Variants in KLHL17 observed in about 807,000 individuals in gnomAD.
KLHL17 encodes kelch like family member 17, also known as kelch-like protein 17.
In KLHL17, 71 loss-of-function variants were observed where a neutral mutation model predicts 64.6. That is an observed-to-expected ratio of 1.10 (90% CI 0.91 to 1.34). The LOEUF (loss-of-function observed/expected upper bound fraction) is 1.34, where lower values mean the gene tolerates loss of function less well. Among genes scored for constraint, KLHL17 ranks in the 40% most tolerant of loss-of-function variants. The pLI, the probability that KLHL17 is intolerant of heterozygous loss-of-function variation, is 0.00. For synonymous variants in KLHL17, 612 were observed against 405.4 expected, an observed-to-expected ratio of 1.51 and a Z score of -6.12; for missense variants, 1,140 against 935.0, an observed-to-expected ratio of 1.22 and a Z score of -2.86.
Position 961,320 on chromosome 1 carries a change from G to A in KLHL17, c.135G>A (p.Arg45=), listed in dbSNP as rs1289304735. 2 of 1,534,242 alleles carry A rather than the reference G, an allele frequency of 1.3e-6. No individual in the cohort carries two copies. Among genetic ancestry groups the A allele is most frequent in the African/African-American group, 1.4e-5 (1 of 72,458 alleles). The change falls in exon 2 of 12, where the codon CGG becomes CGA. Residue 45 remains arginine (R), a synonymous_variant. Transcript: ENST00000338591. ...CCGAGGCAGAGCGCACGCGGCCCCGGCAGGCTCGGCCCGCAGCCCCCATGG... is the reference window on the plus strand; with the variant it reads ...CCGAGGCAGAGCGCACGCGGCCCCGACAGGCTCGGCCCGCAGCCCCCATGG... The part of the protein sequence containing the change: ...PAPEAERTRP[R]QARPAAPMEG...
At chr1:964,266 G>A in intron 10 of KLHL17, 83 bp from the exon 11 acceptor site, 1 of 1,595,270 alleles carries the variant, frequency 6.3e-7, no homozygotes, top group African/African-American at 1.3e-5. Context: ...CCCCATTCCT[G>A]ACACCCCACC....
chr1:962,332 G>A lies in KLHL17; in HGVS notation c.712-23G>A, dbSNP rs754243035. The stretch of plus-strand genomic sequence containing the variant: ...TCCACAGGACCCTCCCCAGATCTCA[G>A]GTCTGAGGACCCCCACTCCCAGGTT... On this transcript the variant is annotated intron_variant, in intron 4 of 11. Transcript: ENST00000338591. 5.6e-6 allele frequency: 9 copies of A among 1,612,088 alleles called. No individual in the cohort carries two copies. In the East Asian group the frequency reaches 1.1e-4, roughly 20 times the overall value.
chr1:962,851 G>A lies in KLHL17; in HGVS notation c.976G>A (p.Val326Ile), dbSNP rs373273289. The change falls in exon 6 of 12, where the codon GTC becomes ATC. Residue 326 changes from valine (V) to isoleucine (I), a missense_variant. Val to Ile is a conservative substitution (Grantham distance 29). Transcript: ENST00000338591. The part of the protein sequence containing the change: ...KFHLLPEQRG[V>I]LGTSRTRPRR... Reference sequence around the variant, plus strand: ...CCACCTGCTGCCTGAGCAGAGGGGCGTCCTAGGCACCAGCCGCACACGTCC... The same window carrying A: ...CCACCTGCTGCCTGAGCAGAGGGGCATCCTAGGCACCAGCCGCACACGTCC... The A allele has an allele frequency of 3.3e-5, 52 of 1,595,938 alleles. No individual in the cohort carries two copies. The highest frequency in any genetic ancestry group is 3.0e-4 in the South Asian group (27 of 89,880).
At chr1:963,660 TG>T in intron 8 of KLHL17, 156 bp downstream of exon 8, 1 of 956,372 alleles carries the variant, frequency 1.0e-6, no homozygotes, top group Non-Finnish European at 1.5e-6. Flanking sequence ...CCTGAACTCT[TG>T]GCTTTGCTGC....
rs777164476 is a variant in KLHL17 at position 961,654 on chromosome 1, C to T, written c.393C>T (p.Thr131=). The T allele has an allele frequency of 5.0e-6, 8 of 1,612,594 alleles. No homozygotes were observed. Among genetic ancestry groups the T allele is most frequent in the Admixed American group, 1.7e-5 (1 of 59,976 alleles). ...FTNEMSESRQ[T]HVTLHDIDPQ... ...ATGAGATGAGCGAGAGCCGCCAGAC[C>T]CACGTGACGCTGCACGACATCGACC... The change falls in exon 3 of 12, where the codon ACC becomes ACT. Residue 131 remains threonine, a synonymous_variant. Transcript: ENST00000338591.
At position 962,442 on chromosome 1, in the gene KLHL17, G is replaced by C; in HGVS notation, c.799G>C (p.Val267Leu). The change falls in exon 5 of 12, where the codon GTG becomes CTG. Residue 267 changes from valine (V) to leucine (L), a missense_variant. By Grantham distance (32) the Val-to-Leu change is conservative. Coordinates refer to ENST00000338591, the MANE Select transcript of KLHL17 (RefSeq NM_198317.3). ...RAVLSWVKHD[V>L]DARRQHVPRL... ...CGTCCTGAGCTGGGTGAAACACGAC[G>C]TGGACGCCCGCAGGCAGCATGTCCC... 1 of 1,612,704 alleles carries C rather than the reference G, an allele frequency of 6.2e-7. No homozygotes were observed. The highest frequency in any genetic ancestry group is 8.5e-7 in the Non-Finnish European group (1 of 1,179,920).
chr1:965,319 ATTTATTTAGTTATTTATCTTAT>A lies in KLHL17; in HGVS notation c.*131_*152del. On this transcript the variant is annotated 3_prime_UTR_variant, in exon 12 of 12. Transcript: ENST00000338591. ...CCTTCATGTCTTTATTTAGTTGTTT[ATTTATTTAGTTATTTATCTTAT>A]TTATTGAGGGGTGAGGAGTGCCACG... is the stretch of plus-strand genomic sequence containing the variant. 1.3e-6 allele frequency: 1 copy of A among 756,474 alleles called. No individual in the cohort carries two copies. Among genetic ancestry groups the A allele is most frequent in the Non-Finnish European group, 2.1e-6 (1 of 481,660 alleles). 46.9% of individuals were successfully genotyped at this position (756,474 alleles called of 1,614,324 possible).
At position 960,802 on chromosome 1, in the gene KLHL17, T is replaced by C; in HGVS notation, c.107+2T>C. 1 of 1,036,420 alleles carries C rather than the reference T, an allele frequency of 9.6e-7. No individual in the cohort carries two copies. The allele number at this position is 1,036,420 out of a possible 1,614,324, so 64.2% of individuals were successfully genotyped here. On this transcript the variant is annotated splice_donor_variant, in intron 1 of 11. Coordinates refer to ENST00000338591, the MANE Select transcript of KLHL17 (RefSeq NM_198317.3). LOFTEE classifies it high-confidence loss of function. ...GCCTCCACCGCCGCAGCCGCCGGCG[T>C]GAGTGGGCGGGGGTCGGGGCGCGGG...
intron 8 of KLHL17, 33 bp downstream of exon 8, chr1:963,537 C>T (rs768622403): frequency 2.5e-5 from 40 of 1,576,342 alleles, no homozygotes; most frequent in South Asian, 2.5e-4. Context: ...TGGCTTTGTA[C>T]AGTCCATCTG....
rs758957250 is a variant in KLHL17, at chr1:965,217, C to T, written c.*26C>T. Reference sequence around the variant, plus strand: ...CCCACCTACCACCAGAGGCCTGCAGCCTCCCACATGCCTTAAGGGGACCGT... The same window carrying T: ...CCCACCTACCACCAGAGGCCTGCAGTCTCCCACATGCCTTAAGGGGACCGT... On this transcript the variant is annotated 3_prime_UTR_variant, in exon 12 of 12. Coordinates refer to ENST00000338591, the MANE Select transcript of KLHL17 (RefSeq NM_198317.3). The T allele has an allele frequency of 8.7e-6, 14 of 1,600,966 alleles. No homozygotes were observed. The highest frequency in any genetic ancestry group is 3.3e-4 in the Middle Eastern group (2 of 6,042).
At chr1:961,228 C>A in intron 1 of KLHL17, 65 bp from the exon 2 acceptor site, 1 of 1,199,406 alleles carries the variant, frequency 8.3e-7, no homozygotes, top group Non-Finnish European at 1.0e-6. Flanking sequence ...CCCGGGCCCC[C>A]CAGCGGCTCC....
At chr1:963,764 C>T in intron 8 of KLHL17, 156 bp from the exon 9 acceptor site, 3 of 940,634 alleles carry the variant, frequency 3.2e-6, no homozygotes, top group Admixed American at 2.0e-5. Flanking sequence ...CAGCCAGGGT[C>T]CTGTGCCCAC....
At chr1:961,796 C>T (rs1557629778) in intron 3 of KLHL17, 30 bp from the exon 4 acceptor site, 12 of 1,611,152 alleles carry the variant, frequency 7.4e-6, no homozygotes, top group Non-Finnish European at 1.0e-5. Flanking sequence ...GACCCTGTGC[C>T]TCCCTCACCT....
Position 961,988 on chromosome 1 carries a change from C to G in KLHL17, c.652C>G (p.Leu218Val). ...DLLKAAHRYV[L>V]QHFVDVAKTE... Reference sequence around the variant, plus strand: ...GCTCAAGGCCGCCCACAGGTACGTGCTGCAGCACTTCGTGGACGTGGCCAA... The same window carrying G: ...GCTCAAGGCCGCCCACAGGTACGTGGTGCAGCACTTCGTGGACGTGGCCAA... Residue 218 changes from leucine to valine, a missense_variant, in exon 4 of 12, where the codon CTG becomes GTG. Leu to Val is a conservative substitution (Grantham distance 32). Coordinates refer to ENST00000338591, the MANE Select transcript of KLHL17 (RefSeq NM_198317.3). 6.2e-7 allele frequency: 1 copy of G among 1,612,952 alleles called. No homozygotes were observed. The highest frequency in any genetic ancestry group is 8.5e-7 in the Non-Finnish European group (1 of 1,180,026).
In KLHL17 at chr1:964,210, C is replaced by T. The variant is rs778130378; in HGVS notation, c.1518+30C>T. On this transcript the variant is annotated intron_variant, in intron 10 of 11. Transcript: ENST00000338591. ...ATAGTGCACCCCTCCTGGCCACCCCCTCCCGTGCGCCGCGGGGCCCTCCTC... is the reference window on the plus strand; with the variant it reads ...ATAGTGCACCCCTCCTGGCCACCCCTTCCCGTGCGCCGCGGGGCCCTCCTC... 2.0e-5 allele frequency: 32 copies of T among 1,610,862 alleles called. No homozygotes were observed. In the Admixed American group the frequency reaches 2.5e-4, roughly 13 times the overall value.
chr1:962,088 C>CCCCCCCCCCCCTTTTTTTTTTTTT, intron 4 of KLHL17, 41 bp downstream of exon 4: 2 of 1,529,414 alleles, frequency 1.3e-6, no homozygotes, highest in Non-Finnish European at 1.8e-6. Flanking sequence ...CCACCCCACC[C>CCCCCCCCCCCCTTTTTTTTTTTTT]CACCCCAGTC....
chr1:961,011 T>C (rs911590905), intron 1 of KLHL17: 5 of 244,890 alleles, frequency 2.0e-5, no homozygotes, highest in Admixed American at 6.6e-5. Flanking sequence ...AGAGGGCGGC[T>C]AGGGACGCGG....
Position 961,357 on chromosome 1 carries a change from C to T in KLHL17, c.172C>T (p.Gln58Ter), listed in dbSNP as rs1304683811. The T allele has an allele frequency of 1.9e-6, 3 of 1,586,108 alleles. No individual in the cohort carries two copies. The highest frequency in any genetic ancestry group is 1.1e-5 in the South Asian group (1 of 88,604). The change falls in exon 2 of 12, where the codon CAG becomes TAG. Residue 58 changes from glutamine (Q) to a stop codon, truncating the protein, a stop_gained. Transcript: ENST00000338591. LOFTEE classifies it high-confidence loss of function. ...CGCAGCCCCCATGGAGGGAGCCGTG[C>T]AGCTGCTGAGCCGCGAGGGCCACAG... The part of the protein sequence containing the change: ...RPAAPMEGAV[Q>*]LLSREGHSVA...
rs1443909264 is a variant in KLHL17, at chr1:961,563, G to A, written c.367+11G>A. The stretch of plus-strand genomic sequence containing the variant: ...ACGCCATGTTCACAAGCAAGTACCC[G>A]CCTGGGCGGCGCTGGGGGCTCCGTG... On this transcript the variant is annotated intron_variant, in intron 2 of 11. Coordinates refer to ENST00000338591, the MANE Select transcript of KLHL17 (RefSeq NM_198317.3). 8.7e-6 allele frequency: 14 copies of A among 1,612,688 alleles called. No individual in the cohort carries two copies. Among genetic ancestry groups the A allele is most frequent in the African/African-American group, 1.3e-5 (1 of 75,068 alleles).
Sources: allele counts gnomAD v4.1 joint callset, GRCh38; gene constraint gnomAD v4.1.1; transcripts MANE v1.5; gene names NCBI Gene and HGNC (gene_info 2026-07-23, HGNC 2026-07-21).